Variants in PRPSAP2 observed in about 807,000 individuals in gnomAD.
PRPSAP2 encodes phosphoribosyl pyrophosphate synthase-associated protein 2.
A neutral mutation model predicts 40.6 loss-of-function variants in PRPSAP2; 24 were observed. The observed-to-expected ratio is 0.59, with a 90% CI of 0.43 to 0.83. The LOEUF is 0.83. Among genes scored for constraint, PRPSAP2 ranks in the 40% least tolerant of loss-of-function variants. PRPSAP2 has a pLI of 0.00. For synonymous variants in PRPSAP2, 149 were observed against 164.7 expected, an observed-to-expected ratio of 0.90 and a Z score of 0.73; for missense variants, 292 against 465.6, an observed-to-expected ratio of 0.63 and a Z score of 3.43.
chr17:18,892,971 C>A (rs1375922579), intron 8 of PRPSAP2, among the ~76,000 whole-genome samples: 1 of 151,668 alleles, frequency 6.6e-6, no homozygotes, highest in Non-Finnish European at 1.5e-5. Context: ...CACCCTTTGC[C>A]CATTTAATAA....
intron 1 of PRPSAP2, chr17:18,861,402 T>C (rs1371011212): frequency 6.6e-6 from 1 of 150,730 alleles, no homozygotes; most frequent in Admixed American, 6.7e-5. Flanking sequence ...AGGCGGAGGT[T>C]ATAGTGAGCC....
intron 9 of PRPSAP2, among the ~76,000 whole-genome samples, chr17:18,913,957 C>T (rs1055916550): frequency 6.6e-6 from 1 of 151,190 alleles, no homozygotes; most frequent in East Asian, 2.0e-4. Flanking sequence ...AGGTGGATCA[C>T]GAGGTCAGGA....
chr17:18,860,963 T>A (rs1187867969), intron 1 of PRPSAP2, among the ~76,000 whole-genome samples: 1 of 152,118 alleles, frequency 6.6e-6, no homozygotes, highest in Non-Finnish European at 1.5e-5. Flanking sequence ...TAGAGTAAAT[T>A]TAGAATAAAC....
Position 18,928,948 on chromosome 17 carries a change from C to T in PRPSAP2, c.942C>T (p.Ala314=). The T allele has an allele frequency of 6.2e-7, 1 of 1,613,514 alleles. No individual in the cohort carries two copies. The highest frequency in any genetic ancestry group is 8.5e-7 in the Non-Finnish European group (1 of 1,179,614). Residue 314 remains alanine, a synonymous_variant, in exon 11 of 12, where the codon GCC becomes GCT. Coordinates refer to ENST00000268835, the MANE Select transcript of PRPSAP2 (RefSeq NM_002767.4). ...CCCCCCGGCGGATTGAAGAGTCTGC[C>T]ATTGATGAGGTAACAGGGTCTGGGT... ...SDAPRRIEES[A]IDEVVVTNTI...
intron 6 of PRPSAP2, among the ~76,000 whole-genome samples, chr17:18,879,522 C>T (rs1446204533): frequency 6.6e-6 from 1 of 151,836 alleles, no homozygotes; most frequent in African/African-American, 2.4e-5. Flanking sequence ...AGCGTGATCT[C>T]GGCTCACCGC....
chr17:18,925,415 CTT>C (rs1468834093), intron 10 of PRPSAP2, among the ~76,000 whole-genome samples: 2 of 152,120 alleles, frequency 1.3e-5, no homozygotes, highest in Non-Finnish European at 2.9e-5. Flanking sequence ...TAAATGCTGC[CTT>C]TTTTTCTTGT....
At position 18,869,838 on chromosome 17, in the gene PRPSAP2, T is replaced by TGTGTGTGTGTGTGTGTGTG. The variant is rs58195806; in HGVS notation, c.172+2504_172+2505insGTGTGTGTGTGTGTGTGTG. On this transcript the variant is annotated intron_variant, in intron 4 of 11. Coordinates refer to ENST00000268835, the MANE Select transcript of PRPSAP2 (RefSeq NM_002767.4). ...CAATCTGTTCCCATTTTGCTACTTT[T>TGTGTGTGTGTGTGTGTGTG]TTTTTGTGTGTGTGTGTGTGTGTGT... 7.6e-3 allele frequency among the ~76,000 whole-genome samples: 1,053 copies of TGTGTGTGTGTGTGTGTGTG among 139,464 alleles called. 11 individuals are homozygous for TGTGTGTGTGTGTGTGTGTG. Among genetic ancestry groups the TGTGTGTGTGTGTGTGTGTG allele is most frequent in the African/African-American group, 0.01 (366 of 35,900 alleles). 91.5% of individuals were successfully genotyped at this position (139,464 alleles called of 152,430 possible). A position where few individuals can be genotyped will look rare whatever the true frequency, so the allele number is the denominator to read the frequency against.
At chr17:18,880,224 A>G (rs1418829869) in intron 6 of PRPSAP2, among the ~76,000 whole-genome samples, 1 of 152,176 alleles carries the variant, frequency 6.6e-6, no homozygotes, top group African/African-American at 2.4e-5. Flanking sequence ...GAAAGGGCCC[A>G]TCTTCTCTAC....
At chr17:18,917,506 TG>T (rs1308272508) in intron 9 of PRPSAP2, 1 of 146,844 alleles carries the variant, frequency 6.8e-6, no homozygotes, top group Admixed American at 6.9e-5. Context: ...CCTGGGTAGC[TG>T]GGACTACCGG....
In PRPSAP2 at chr17:18,872,601, A is replaced by G. The variant is rs1261358467; in HGVS notation, c.191A>G (p.Gln64Arg). The change falls in exon 5 of 12, where the codon CAA becomes CGA. Residue 64 changes from glutamine to arginine, a missense_variant. Transcript: ENST00000268835. Reference protein sequence around the residue: ...EPNRETRVQIQESVRGKDVFI... With the variant: ...EPNRETRVQIRESVRGKDVFI... Reference sequence around the variant, plus strand: ...CTGCCAGAAACAAGAGTACAAATTCAAGAGTCTGTGAGGGGAAAAGATGTT... The same window carrying G: ...CTGCCAGAAACAAGAGTACAAATTCGAGAGTCTGTGAGGGGAAAAGATGTT... The G allele has an allele frequency of 1.9e-6, 3 of 1,593,040 alleles. No homozygotes were observed. Among genetic ancestry groups the G allele is most frequent in the Non-Finnish European group, 2.6e-6 (3 of 1,161,350 alleles).
At position 18,911,339 on chromosome 17, in the gene PRPSAP2, G is replaced by GA; in HGVS notation, c.733+88_733+89insA. 7.3e-7 allele frequency: 1 copy of GA among 1,366,782 alleles called. No individual in the cohort carries two copies. The highest frequency in any genetic ancestry group is 9.6e-7 in the Non-Finnish European group (1 of 1,042,240). 84.7% of individuals were successfully genotyped at this position (1,366,782 alleles called of 1,614,324 possible). A position where few individuals can be genotyped will look rare whatever the true frequency, so the allele number is the denominator to read the frequency against. On this transcript the variant is annotated intron_variant, in intron 9 of 11. Transcript: ENST00000268835. This position sits in a 1 kb window ranked among gnomAD's most constrained non-coding sequence, Gnocchi z 4.5. ...TGTGTGGTTTTTTTCCTCATTCTTC[G>GA]TTTTTTTTTAGTTGGCAAAAACTCA...
At chr17:18,860,763 G>T (rs553237495) in intron 1 of PRPSAP2, 3 of 152,254 alleles carry the variant, frequency 2.0e-5, no homozygotes, top group African/African-American at 7.2e-5. Context: ...CTGAAATGTG[G>T]GTGAGTGGTT....
chr17:18,889,757 T>C, intron 7 of PRPSAP2, 65 bp from the exon 8 acceptor site: 4 of 1,316,380 alleles, frequency 3.0e-6, no homozygotes, highest in South Asian at 3.0e-5. Flanking sequence ...CCAAGCATTT[T>C]TGGGTCTGTT....
intron 8 of PRPSAP2, chr17:18,908,814 A>G: frequency 1.4e-6 from 1 of 720,870 alleles, no homozygotes; most frequent in Admixed American, 1.9e-5. Flanking sequence ...AAAAGCTAGA[A>G]GCTCTTTTGG....
At chr17:18,871,305 C>T (rs1287513715) in intron 4 of PRPSAP2, among the ~76,000 whole-genome samples, 1 of 152,078 alleles carries the variant, frequency 6.6e-6, no homozygotes, top group African/African-American at 2.4e-5. Flanking sequence ...CATGTGTGAG[C>T]CACCGTGCCC....
At chr17:18,908,443 C>T (rs2040740066) in intron 8 of PRPSAP2, 1 of 758,488 alleles carries the variant, frequency 1.3e-6, no homozygotes, top group African/African-American at 1.7e-5. Context: ...TCTGATTTGC[C>T]TCAGAGAAGG....
chr17:18,923,869 CT>C, intron 9 of PRPSAP2, 44 bp from the exon 10 acceptor site: 1 of 1,513,336 alleles, frequency 6.6e-7, no homozygotes, highest in African/African-American at 1.4e-5. Flanking sequence ...TTTTGTTTTA[CT>C]TTTTAATATA....
Position 18,911,853 on chromosome 17 carries a change from A to G in PRPSAP2, c.733+602A>G, listed in dbSNP as rs961566941. ...CAACAAATTTATTGCTCACAGTTCT[A>G]GAGGCTGTGAAGGTCAAGATAAAGG... On this transcript the variant is annotated intron_variant, in intron 9 of 11. Transcript: ENST00000268835. This position sits in a 1 kb window ranked among gnomAD's most constrained non-coding sequence, Gnocchi z 4.5. 8.5e-5 allele frequency among the ~76,000 whole-genome samples: 13 copies of G among 152,264 alleles called. No individual in the cohort carries two copies. Among genetic ancestry groups the G allele is most frequent in the African/African-American group, 3.1e-4 (13 of 41,480 alleles).
intron 1 of PRPSAP2, among the ~76,000 whole-genome samples, chr17:18,863,116 G>A (rs1037189207): frequency 6.6e-6 from 1 of 151,926 alleles, no homozygotes; most frequent in African/African-American, 2.4e-5. Context: ...CACCGTGCCC[G>A]GCAATTTTTT....
Sources: gnomAD v4.1 joint callset for allele counts (sites outside exome capture counted in the v4.1 genomes callset) on GRCh38, gnomAD v4.1.1 for gene constraint, Gnocchi (gnomAD v3.1) non-coding constraint, MANE v1.5 for transcripts, NCBI Gene and HGNC (gene_info 2026-07-23, HGNC 2026-07-21) for gene names.